Variants in GADL1 observed in about 807,000 individuals in gnomAD.
GADL1 encodes the protein acidic amino acid decarboxylase GADL1.
In GADL1, 71 loss-of-function variants were observed where a neutral mutation model predicts 69.5. The ratio of observed to expected loss-of-function variants is 1.02; its 90% CI spans 0.84 to 1.25. The LOEUF is 1.25. Among genes scored for constraint, GADL1 ranks in the 50% most tolerant of loss-of-function variants. The pLI, the probability that GADL1 is intolerant of heterozygous loss-of-function variation, is 0.00. For missense variants in GADL1, 737 were observed against 631.8 expected (o/e 1.17, Z -1.79); for synonymous variants, 254 against 214.4 (o/e 1.18, Z -1.62).
In GADL1 at chr3:30,785,395, T is replaced by C. The variant is rs202054130; in HGVS notation, c.1302+960A>G. On this transcript the variant is annotated intron_variant, in intron 13 of 14. Coordinates refer to ENST00000282538, the MANE Select transcript of GADL1 (RefSeq NM_207359.3). Reference sequence around the variant, plus strand: ...AGATTTCTTTTTCTTTTTTTTTTTTTCCCCCCGAGACAGAGTTTCACTCTT... The same window carrying C: ...AGATTTCTTTTTCTTTTTTTTTTTTCCCCCCCGAGACAGAGTTTCACTCTT... Among the ~76,000 whole-genome samples, 414 of 149,752 alleles carry C rather than the reference T, an allele frequency of 2.8e-3. 6 individuals are homozygous for C. Among genetic ancestry groups the C allele is most frequent in the East Asian group, 0.016 (83 of 5,100 alleles).
At chr3:30,809,641 C>T (rs1347906172) in intron 11 of GADL1, among the ~76,000 whole-genome samples, 4 of 152,182 alleles carry the variant, frequency 2.6e-5, no homozygotes, top group South Asian at 2.1e-4. Flanking sequence ...TTCTCACTTC[C>T]TTCCCATGAT....
intron 12 of GADL1, among the ~76,000 whole-genome samples, chr3:30,795,000 G>A (rs1697003343): frequency 6.6e-6 from 1 of 152,078 alleles, no homozygotes; most frequent in African/African-American, 2.4e-5. Flanking sequence ...CTGACCCTAG[G>A]GCCTAGGGAA....
intron 4 of GADL1, among the ~76,000 whole-genome samples, 160 bp from the exon 5 acceptor site, chr3:30,851,101 G>A (rs1489126392): frequency 2.6e-5 from 4 of 152,192 alleles, no homozygotes; most frequent in Admixed American, 2.6e-4. Flanking sequence ...CTCCATCAGT[G>A]ACAGCACTAG....
At position 30,823,313 on chromosome 3, in the gene GADL1, TTA is replaced by T. The variant is rs564995679; in HGVS notation, c.1050+10538_1050+10539del. Among the ~76,000 whole-genome samples, 107 of 152,058 alleles carry T rather than the reference TTA, an allele frequency of 7.0e-4. 2 individuals carry two copies. In the South Asian group the frequency reaches 0.013, roughly 19 times the overall value. On this transcript the variant is annotated intron_variant, in intron 11 of 14. Coordinates refer to ENST00000282538, the MANE Select transcript of GADL1 (RefSeq NM_207359.3). ...CCACCAAGTGTGGAGACCTGGAGTATTATCACTTCTCACTAGCAGATATCCTA... is the reference window on the plus strand; with the variant it reads ...CCACCAAGTGTGGAGACCTGGAGTATTCACTTCTCACTAGCAGATATCCTA...
intron 11 of GADL1, among the ~76,000 whole-genome samples, chr3:30,832,173 C>G (rs899880941): frequency 6.6e-6 from 1 of 151,680 alleles, no homozygotes; most frequent in African/African-American, 2.4e-5. Flanking sequence ...TTTAGCTTTC[C>G]TATTCCATTT....
chr3:30,768,746 ATC>A lies in GADL1; in HGVS notation c.1392+9431_1392+9432del, dbSNP rs540964728. On this transcript the variant is annotated intron_variant, in intron 14 of 14. Transcript: ENST00000282538. Reference sequence around the variant, plus strand: ...TGAAGTGAAGAGAAGGAACAATTTGATCTCTGAGAATTTGACTTAGGTGAGTC... The same window carrying A: ...TGAAGTGAAGAGAAGGAACAATTTGATCTGAGAATTTGACTTAGGTGAGTC... Among the ~76,000 whole-genome samples the A allele has an allele frequency of 1.2e-4, 18 of 152,258 alleles. No homozygotes were observed. The South Asian group carries it at 2.5e-3, about 21-fold the overall frequency.
At chr3:30,785,168 A>G (rs2125499232) in intron 13 of GADL1, among the ~76,000 whole-genome samples, 2 of 152,004 alleles carry the variant, frequency 1.3e-5, no homozygotes, top group Middle Eastern at 3.4e-3. Context: ...TGTATACTAG[A>G]TTATCTCATG....
At chr3:30,785,777 A>T (rs1696775692) in intron 13 of GADL1, among the ~76,000 whole-genome samples, 1 of 152,124 alleles carries the variant, frequency 6.6e-6, no homozygotes, top group African/African-American at 2.4e-5. Flanking sequence ...AACAAAATCT[A>T]AGAAGTTTGC....
intron 1 of GADL1, among the ~76,000 whole-genome samples, chr3:30,867,679 T>G (rs572933020): frequency 1.3e-5 from 2 of 151,992 alleles, no homozygotes; most frequent in South Asian, 4.2e-4. Context: ...AAATATTTGC[T>G]GAAGTTCTAT....
intron 14 of GADL1, among the ~76,000 whole-genome samples, chr3:30,743,725 G>A (rs1695659451): frequency 6.6e-6 from 1 of 152,162 alleles, no homozygotes; most frequent in Non-Finnish European, 1.5e-5. Flanking sequence ...GTTATTGCCT[G>A]TTAAAAATAA....
chr3:30,753,351 AAT>A (rs548295406), intron 14 of GADL1, among the ~76,000 whole-genome samples: 48 of 152,292 alleles, frequency 3.2e-4, no homozygotes, highest in African/African-American at 7.5e-4. Context: ...TCTAGTTTCA[AAT>A]ATGTCTTTGA....
chr3:30,886,981 T>C (rs1698718819), intron 1 of GADL1, among the ~76,000 whole-genome samples: 1 of 152,200 alleles, frequency 6.6e-6, no homozygotes, highest in African/African-American at 2.4e-5. Flanking sequence ...TCTCATGTCA[T>C]CTTCACCACT....
intron 14 of GADL1, among the ~76,000 whole-genome samples, chr3:30,746,207 C>T (rs3851345): frequency 0.092 from 13,950 of 151,862 alleles, 1,735 homozygotes; most frequent in African/African-American, 0.29. Context: ...CAGGCTGGTT[C>T]GAGACCTCAA....
At chr3:30,821,437 A>G (rs1208240454) in intron 11 of GADL1, among the ~76,000 whole-genome samples, 2 of 152,090 alleles carry the variant, frequency 1.3e-5, no homozygotes, top group Admixed American at 1.3e-4. Context: ...CAGAGGAGGA[A>G]GCAGTAGATA....
intron 11 of GADL1, among the ~76,000 whole-genome samples, chr3:30,822,649 CTTAA>C (rs1244577685): frequency 2.0e-5 from 3 of 151,214 alleles, no homozygotes; most frequent in African/African-American, 7.3e-5. Flanking sequence ...TTTTCGCATT[CTTAA>C]TTATGCTTGA....
chr3:30,803,050 C>T (rs1040276095), intron 11 of GADL1, among the ~76,000 whole-genome samples: 1 of 152,138 alleles, frequency 6.6e-6, no homozygotes, highest in Non-Finnish European at 1.5e-5. Flanking sequence ...TGTGAGCACA[C>T]CACAGCTCAC....
chr3:30,758,115 A>T (rs1484598849), intron 14 of GADL1, among the ~76,000 whole-genome samples: 1 of 152,164 alleles, frequency 6.6e-6, no homozygotes, highest in Non-Finnish European at 1.5e-5. Context: ...CAAGAGCAAA[A>T]CCAAATCTGG....
At chr3:30,844,047 A>AT (rs1282893299) in intron 8 of GADL1, among the ~76,000 whole-genome samples, 163 bp downstream of exon 8, 4 of 152,240 alleles carry the variant, frequency 2.6e-5, no homozygotes, top group Non-Finnish European at 4.4e-5. Context: ...TCTGTAAATG[A>AT]GTTTTCCTAT....
intron 8 of GADL1, among the ~76,000 whole-genome samples, chr3:30,842,669 G>A (rs1334843553): frequency 1.3e-5 from 2 of 151,954 alleles, no homozygotes; most frequent in African/African-American, 4.8e-5. Context: ...AGGAATTTAT[G>A]TAAAAAGAAA....
Sources: gnomAD v4.1 joint callset for allele counts (sites outside exome capture counted in the v4.1 genomes callset) on GRCh38, gnomAD v4.1.1 for gene constraint, MANE v1.5 for transcripts, NCBI Gene and HGNC (gene_info 2026-07-23, HGNC 2026-07-21) for gene names.